The following CLASP1 variants were observed in gnomAD, a reference collection of about 807,000 sequenced individuals.
CLASP1 encodes CLIP-associating protein 1.
Under a neutral mutation model 192.3 loss-of-function variants are expected in CLASP1, and 38 were observed. That is an observed-to-expected ratio of 0.20 (90% CI 0.15 to 0.26). CLASP1 has a LOEUF of 0.26. CLASP1 is among the 10% of genes least tolerant of loss of function. The pLI is 1.00. For missense variants in CLASP1, 1,433 were observed against 1,932.5 expected (o/e 0.74, Z 4.85); for synonymous variants, 691 against 712.8 (o/e 0.97, Z 0.49).
intron 34 of CLASP1, among the ~76,000 whole-genome samples, chr2:121,375,873 C>G (rs573904204): frequency 1.3e-5 from 2 of 152,164 alleles, no homozygotes; most frequent in South Asian, 4.1e-4. Flanking sequence ...CATCATGAAA[C>G]AAAACTATGT....
rs183382862 is a variant in CLASP1 at position 121,499,063 on chromosome 2, T to A, written c.712+4104A>T. Among the ~76,000 whole-genome samples, 358 of 152,364 alleles carry A rather than the reference T, an allele frequency of 2.3e-3. 1 individual carries two copies. Among genetic ancestry groups the A allele is most frequent in the Non-Finnish European group, 3.0e-3 (202 of 68,030 alleles). On this transcript the variant is annotated intron_variant, in intron 8 of 39. Transcript: ENST00000263710. Reference sequence around the variant, plus strand: ...AGTTAAAGGTACAACCCAGCAATTCTACTGCAAGGTATACAGCCAACAGAA... The same window carrying A: ...AGTTAAAGGTACAACCCAGCAATTCAACTGCAAGGTATACAGCCAACAGAA...
intron 9 of CLASP1, among the ~76,000 whole-genome samples, chr2:121,468,933 G>A (rs983332280): frequency 2.6e-5 from 4 of 152,102 alleles, no homozygotes; most frequent in African/African-American, 9.7e-5. Context: ...GGGGTACTCC[G>A]GCTTTTTGAG....
At chr2:121,572,990 C>A (rs1347691459) in intron 2 of CLASP1, among the ~76,000 whole-genome samples, 1 of 152,168 alleles carries the variant, frequency 6.6e-6, no homozygotes, top group African/African-American at 2.4e-5. Flanking sequence ...GATGGAGTCT[C>A]GTCCTGTCGC....
chr2:121,413,519 A>C (rs1224787372), intron 23 of CLASP1, among the ~76,000 whole-genome samples: 1 of 152,202 alleles, frequency 6.6e-6, no homozygotes, highest in Non-Finnish European at 1.5e-5. Flanking sequence ...TAACCAGTGG[A>C]TGTTGAGTAT....
intron 8 of CLASP1, among the ~76,000 whole-genome samples, chr2:121,478,697 AACCACACC>A (rs1575267883): frequency 2.8e-5 from 1 of 35,222 alleles, no homozygotes; most frequent in Non-Finnish European, 5.6e-5. Flanking sequence ...CCACACACAC[AACCACACC>A]CCACACACAC....
chr2:121,532,478 T>G (rs2094920123), intron 2 of CLASP1: 2 of 152,212 alleles, frequency 1.3e-5, no homozygotes, highest in Admixed American at 1.3e-4. Context: ...CGTCATATGA[T>G]GTCATGAAAA....
chr2:121,613,188 T>C (rs1223999754), intron 1 of CLASP1, among the ~76,000 whole-genome samples: 2 of 152,182 alleles, frequency 1.3e-5, no homozygotes, highest in African/African-American at 4.8e-5. Context: ...GAAAAAATGG[T>C]CCAACTCTTC....
At chr2:121,479,017 CA>C (rs1559370637) in intron 8 of CLASP1, among the ~76,000 whole-genome samples, 27 of 65,996 alleles carry the variant, frequency 4.1e-4, no homozygotes, top group African/African-American at 3.6e-3. Flanking sequence ...ACACACACAC[CA>C]CACACACACA....
intron 8 of CLASP1, among the ~76,000 whole-genome samples, chr2:121,482,592 T>C (rs1326031951): frequency 1.3e-5 from 2 of 152,144 alleles, no homozygotes; most frequent in East Asian, 3.9e-4. Flanking sequence ...GGTACTTTAA[T>C]ATCCAGAGTA....
chr2:121,347,256 T>C (rs2063563903), intron 38 of CLASP1, 102 bp from the exon 40 acceptor site: 1 of 788,302 alleles, frequency 1.3e-6, no homozygotes, highest in Non-Finnish European at 2.1e-6. Context: ...GAGTTCAACC[T>C]TGGACTTGTC....
chr2:121,618,004 T>C (rs539698729), intron 1 of CLASP1, among the ~76,000 whole-genome samples: 1 of 152,326 alleles, frequency 6.6e-6, no homozygotes, highest in South Asian at 2.1e-4. Flanking sequence ...GGCTATTCTT[T>C]TTCATCTTTC....
At chr2:121,609,846 C>G (rs2064973386) in intron 1 of CLASP1, among the ~76,000 whole-genome samples, 1 of 152,156 alleles carries the variant, frequency 6.6e-6, no homozygotes, top group African/African-American at 2.4e-5. Flanking sequence ...GAGGCTGAGG[C>G]AGGAGAATCG....
At chr2:121,606,146 T>C in exon 2 of CLASP1, 1 of 520,206 alleles carries the variant, frequency 1.9e-6, no homozygotes, top group South Asian at 3.3e-5. Context: ...GTTCTACTAC[T>C]GGGTCTGAAA....
Position 121,503,150 on chromosome 2 carries a change from T to C in CLASP1, c.712+17A>G, listed in dbSNP as rs1367289964. On this transcript the variant is annotated intron_variant, in intron 8 of 39. Coordinates refer to ENST00000263710, the Ensembl canonical transcript of CLASP1. ...AAAACTGAAAAAGCAAAAGTAGGGA[T>C]TGCTTTTTCTACTCACCATTTGCAG... 2 of 1,516,612 alleles carry C rather than the reference T, an allele frequency of 1.3e-6. No individual in the cohort carries two copies. The highest frequency in any genetic ancestry group is 1.8e-6 in the Non-Finnish European group (2 of 1,116,906). 93.9% of individuals were successfully genotyped at this position (1,516,612 alleles called of 1,614,324 possible).
At chr2:121,491,270 T>C (rs1241257377) in intron 8 of CLASP1, among the ~76,000 whole-genome samples, 3 of 152,240 alleles carry the variant, frequency 2.0e-5, no homozygotes, top group Non-Finnish European at 4.4e-5. Context: ...TATTAGCAAA[T>C]AAATATTGGG....
intron 2 of CLASP1, among the ~76,000 whole-genome samples, chr2:121,596,810 C>T (rs2063194116): frequency 6.6e-6 from 1 of 152,220 alleles, no homozygotes; most frequent in South Asian, 2.1e-4. Flanking sequence ...AGAATTTATA[C>T]AAATTCCTAT....
At chr2:121,575,759 AAGG>A (rs1358995417) in intron 2 of CLASP1, among the ~76,000 whole-genome samples, 4 of 152,196 alleles carry the variant, frequency 2.6e-5, no homozygotes, top group Non-Finnish European at 5.9e-5. Context: ...GAGAGGCAGA[AAGG>A]AGGAGGACGG....
chr2:121,454,207 T>C (rs1050371766), intron 14 of CLASP1, among the ~76,000 whole-genome samples: 1 of 151,786 alleles, frequency 6.6e-6, no homozygotes, highest in African/African-American at 2.4e-5. Context: ...TGATGGTTAT[T>C]TAGAGATGGG....
intron 2 of CLASP1, among the ~76,000 whole-genome samples, chr2:121,601,670 G>A (rs1417167685): frequency 6.6e-6 from 1 of 152,080 alleles, no homozygotes; most frequent in Non-Finnish European, 1.5e-5. Flanking sequence ...TTAGGCAAGA[G>A]AAAGAAATAA....
Sources: allele counts gnomAD v4.1 joint callset (sites outside exome capture counted in the v4.1 genomes callset), GRCh38; gene constraint gnomAD v4.1.1; transcripts MANE v1.5; gene names NCBI Gene and HGNC (gene_info 2026-07-23, HGNC 2026-07-21).